Variants in ACSS3 observed in about 807,000 individuals in gnomAD.
ACSS3 encodes acyl-CoA synthetase short-chain family member 3, mitochondrial.
Under a neutral mutation model 84.2 loss-of-function variants are expected in ACSS3, and 64 were observed. The observed-to-expected ratio is 0.76, with a 90% confidence interval of 0.62 to 0.94. ACSS3 has a LOEUF of 0.94. Ranked by LOEUF, ACSS3 falls within the 40% of genes least tolerant of loss-of-function variation. The pLI is 0.00. For missense variants in ACSS3, 815 were observed against 867.6 expected, an observed-to-expected ratio of 0.94 and a Z score of 0.76; for synonymous variants, 317 against 310.1, an observed-to-expected ratio of 1.02 and a Z score of -0.23.
chr12:81,178,928 G>C (rs963448283), intron 8 of ACSS3, among the ~76,000 whole-genome samples: 3 of 152,128 alleles, frequency 2.0e-5, no homozygotes, highest in African/African-American at 7.2e-5. Flanking sequence ...AAATGGCATA[G>C]TACTGCCTCT....
At chr12:81,093,259 G>T (rs967329015) in intron 1 of ACSS3, among the ~76,000 whole-genome samples, 6 of 151,976 alleles carry the variant, frequency 3.9e-5, no homozygotes, top group Admixed American at 2.0e-4. Context: ...AGACCATACT[G>T]ACCAACATGG....
intron 9 of ACSS3, among the ~76,000 whole-genome samples, chr12:81,212,734 A>G (rs933248066): frequency 3.3e-5 from 5 of 152,172 alleles, no homozygotes; most frequent in Non-Finnish European, 5.9e-5. Flanking sequence ...TTTTTACTTC[A>G]GAGTCAGAAA....
chr12:81,199,843 T>C, intron 9 of ACSS3: 2 of 413,476 alleles, frequency 4.8e-6, no homozygotes, highest in South Asian at 4.1e-5. Context: ...TAATCACTCA[T>C]CTCTATTCTC....
chr12:81,203,631 A>G (rs1056969197), intron 9 of ACSS3, among the ~76,000 whole-genome samples: 7 of 152,182 alleles, frequency 4.6e-5, no homozygotes, highest in Non-Finnish European at 1.0e-4. Context: ...TCATAGGAAC[A>G]TTTTAATAAA....
chr12:81,154,188 T>C (rs192269574), intron 7 of ACSS3, among the ~76,000 whole-genome samples: 1 of 152,374 alleles, frequency 6.6e-6, no homozygotes, highest in Non-Finnish European at 1.5e-5. Context: ...ATAGTTATTT[T>C]GAATTGTGGC....
rs534323998 is a variant in ACSS3 at position 81,113,618 on chromosome 12, T to A, written c.456+3914T>A. Among the ~76,000 whole-genome samples, 7 of 152,182 alleles carry A rather than the reference T, an allele frequency of 4.6e-5. No individual in the cohort carries two copies. In the South Asian group the frequency reaches 1.2e-3, roughly 27 times the overall value. On this transcript the variant is annotated intron_variant, in intron 2 of 15. Transcript: ENST00000548058. The stretch of plus-strand genomic sequence containing the variant: ...GAATAGTTGTTGAATGATGAATGAG[T>A]CAATGAAAGAATAAATGAATGAAAT...
chr12:81,195,884 T>A (rs887167656), intron 8 of ACSS3, among the ~76,000 whole-genome samples: 2 of 152,146 alleles, frequency 1.3e-5, no homozygotes, highest in Admixed American at 1.3e-4. Flanking sequence ...TAGATAATTT[T>A]GAATATGCAG....
At chr12:81,200,479 T>G (rs1488192758) in intron 9 of ACSS3, among the ~76,000 whole-genome samples, 1 of 152,194 alleles carries the variant, frequency 6.6e-6, no homozygotes, top group Non-Finnish European at 1.5e-5. Context: ...AAAATGATTT[T>G]CATGTAAAAG....
At chr12:81,108,736 G>A (rs762227326) in intron 1 of ACSS3, among the ~76,000 whole-genome samples, 35 of 152,026 alleles carry the variant, frequency 2.3e-4, no homozygotes, top group Admixed American at 1.4e-3. Flanking sequence ...CTGTTATTTT[G>A]CATTGTTACT....
chr12:81,161,489 A>G (rs959087482), intron 7 of ACSS3, among the ~76,000 whole-genome samples: 2 of 152,238 alleles, frequency 1.3e-5, no homozygotes, highest in Non-Finnish European at 1.5e-5. Context: ...GGGCATTATC[A>G]TTGCTAGTTT....
chr12:81,148,067 C>T (rs946450943), intron 5 of ACSS3, among the ~76,000 whole-genome samples: 14 of 151,474 alleles, frequency 9.2e-5, no homozygotes, highest in African/African-American at 3.4e-4. Flanking sequence ...GATAGAGGGA[C>T]TTAATGTAGG....
chr12:81,163,006 A>C (rs1384575448), intron 7 of ACSS3, among the ~76,000 whole-genome samples: 1 of 151,998 alleles, frequency 6.6e-6, no homozygotes, highest in Non-Finnish European at 1.5e-5. Flanking sequence ...CCGAGAACAC[A>C]GGGATGGCTG....
intron 8 of ACSS3, among the ~76,000 whole-genome samples, chr12:81,195,118 A>G (rs1303815663): frequency 2.0e-5 from 3 of 152,034 alleles, no homozygotes; most frequent in African/African-American, 4.8e-5. Context: ...CTGTAGAATT[A>G]TTCGTTTTGG....
intron 2 of ACSS3, among the ~76,000 whole-genome samples, chr12:81,132,561 G>C (rs1294163416): frequency 1.3e-5 from 2 of 151,340 alleles, no homozygotes; most frequent in African/African-American, 2.4e-5. Context: ...CTATTTTGTT[G>C]ATCTTTTCAA....
At chr12:81,146,819 A>G (rs1436906635) in intron 5 of ACSS3, among the ~76,000 whole-genome samples, 1 of 152,198 alleles carries the variant, frequency 6.6e-6, no homozygotes, top group Non-Finnish European at 1.5e-5. Context: ...TAGTGATTAT[A>G]ATATTTATCT....
chr12:81,238,101 C>T (rs2033683594), intron 13 of ACSS3, among the ~76,000 whole-genome samples: 1 of 151,616 alleles, frequency 6.6e-6, no homozygotes, highest in Non-Finnish European at 1.5e-5. Context: ...TTTACTTTTT[C>T]TGCATGTACT....
chr12:81,259,540 T>G lies in ACSS3; in HGVS notation c.*4618T>G. On this transcript the variant is annotated 3_prime_UTR_variant, in exon 16 of 16. Transcript: ENST00000548058. ...TGACTCCCCCCAAAAATCACATTTT[T>G]CAGCTTTTAATAAGTCATGACGTCA... 4.0e-6 allele frequency: 5 copies of G among 1,255,664 alleles called. No individual in the cohort carries two copies. In the South Asian group the frequency reaches 6.7e-5, roughly 17 times the overall value. 77.8% of individuals were successfully genotyped at this position (1,255,664 alleles called of 1,614,324 possible). A position where few individuals can be genotyped will look rare whatever the true frequency, so the allele number is the denominator to read the frequency against.
chr12:81,191,024 G>T (rs1279571145), intron 8 of ACSS3, among the ~76,000 whole-genome samples: 1 of 151,110 alleles, frequency 6.6e-6, no homozygotes, highest in East Asian at 1.9e-4. Context: ...TTTTTTGGTA[G>T]ACCTTGTTTT....
At chr12:81,202,758 T>G (rs1369631378) in intron 9 of ACSS3, among the ~76,000 whole-genome samples, 3 of 152,200 alleles carry the variant, frequency 2.0e-5, no homozygotes, top group African/African-American at 7.2e-5. Flanking sequence ...CTGTGATGTG[T>G]AATTTGAAAT....
Sources: allele counts gnomAD v4.1 joint callset (sites outside exome capture counted in the v4.1 genomes callset), GRCh38; gene constraint gnomAD v4.1.1; transcripts MANE v1.5; gene names NCBI Gene and HGNC (gene_info 2026-07-23, HGNC 2026-07-21).